Variants in ADAMTSL1 observed in about 807,000 individuals in gnomAD.
ADAMTSL1 encodes the protein ADAMTS like 1, also known as ADAMTS-like protein 1.
ADAMTSL1 carries 126 observed loss-of-function variants against 201.8 expected under a neutral mutation model. The ratio of observed to expected loss-of-function variants is 0.62; its 90% CI spans 0.54 to 0.72. ADAMTSL1 has a LOEUF of 0.72. ADAMTSL1 is among the 30% of genes least tolerant of loss of function. The probability of loss-of-function intolerance (pLI) is 0.00; values close to 1 mark genes in which losing one functional copy is unlikely to be tolerated. For synonymous variants in ADAMTSL1, 1,121 were observed against 903.4 expected, an observed-to-expected ratio of 1.24 and a Z score of -4.32; for missense variants, 2,679 against 2,277.8, an observed-to-expected ratio of 1.18 and a Z score of -3.59.
At chr9:18,212,971 A>G (rs376277122) in intron 2 of ADAMTSL1, among the ~76,000 whole-genome samples, 8 of 152,336 alleles carry the variant, frequency 5.3e-5, no homozygotes, top group African/African-American at 7.2e-5. Context: ...GCAAATTACT[A>G]GCATTTTGAG....
intron 2 of ADAMTSL1, among the ~76,000 whole-genome samples, chr9:18,310,966 A>G (rs909410566): frequency 6.6e-6 from 1 of 152,206 alleles, no homozygotes; most frequent in African/African-American, 2.4e-5. Flanking sequence ...AATGCCCATC[A>G]GTGATAGACT....
At chr9:18,755,736 G>A (rs756247370) in intron 16 of ADAMTSL1, among the ~76,000 whole-genome samples, 2 of 152,042 alleles carry the variant, frequency 1.3e-5, no homozygotes, top group East Asian at 1.9e-4. Flanking sequence ...TTGGGCCTGC[G>A]AAGATATGAA....
chr9:18,017,968 G>A (rs532139284), intron 1 of ADAMTSL1, among the ~76,000 whole-genome samples: 1 of 152,124 alleles, frequency 6.6e-6, no homozygotes, highest in East Asian at 1.9e-4. Context: ...TCTAAAACTT[G>A]TGTCTTAATA....
chr9:18,354,932 A>G (rs1371910207), intron 2 of ADAMTSL1, among the ~76,000 whole-genome samples: 1 of 152,106 alleles, frequency 6.6e-6, no homozygotes, highest in Non-Finnish European at 1.5e-5. Flanking sequence ...GATTGTGCCA[A>G]TGCACTCCAG....
chr9:18,717,255 A>C (rs1417373978), intron 14 of ADAMTSL1, among the ~76,000 whole-genome samples: 1 of 139,244 alleles, frequency 7.2e-6, no homozygotes, highest in African/African-American at 3.1e-5. Context: ...AATAATAATA[A>C]ATAAAATAAA....
intron 11 of ADAMTSL1, 114 bp from the exon 12 acceptor site, chr9:18,681,698 G>C (rs529302191): frequency 6.2e-6 from 2 of 323,008 alleles, no homozygotes; most frequent in African/African-American, 5.4e-5. Context: ...GTCCTCGTGT[G>C]GGGGGGGGGG....
At chr9:18,495,778 T>C (rs1197583252) in intron 1 of ADAMTSL1, among the ~76,000 whole-genome samples, 1 of 152,152 alleles carries the variant, frequency 6.6e-6, no homozygotes, top group Non-Finnish European at 1.5e-5. Flanking sequence ...GGGGGAGTGA[T>C]ACCTATTTGA....
chr9:18,874,856 T>G (rs1234022806), intron 23 of ADAMTSL1, among the ~76,000 whole-genome samples: 8 of 152,186 alleles, frequency 5.3e-5, no homozygotes, highest in Non-Finnish European at 1.2e-4. Flanking sequence ...AACTGTTCTT[T>G]GAATGTCTGA....
chr9:18,887,331 TA>T (rs1414025766), intron 23 of ADAMTSL1, among the ~76,000 whole-genome samples: 3 of 152,232 alleles, frequency 2.0e-5, no homozygotes, highest in Admixed American at 2.0e-4. Flanking sequence ...GATCCATGTC[TA>T]AAATTGCTTT....
At chr9:17,968,496 T>G (rs1185401112) in intron 1 of ADAMTSL1, among the ~76,000 whole-genome samples, 1 of 152,146 alleles carries the variant, frequency 6.6e-6, no homozygotes, top group African/African-American at 2.4e-5. Context: ...ATAACCCCAC[T>G]ATTCCTTCAG....
In ADAMTSL1 at chr9:18,095,074, T is replaced by C. The variant is rs1050571504; in HGVS notation, c.88-68788T>C. The stretch of plus-strand genomic sequence containing the variant: ...ACCTTTGGTGCTAAAAGATAGTTCA[T>C]GGACGCAGCTTACAGAGACACCTGG... On this transcript the variant is annotated intron_variant, in intron 1 of 29. Transcript: ENST00000680146. Among the ~76,000 whole-genome samples the C allele has an allele frequency of 2.0e-5, 3 of 152,240 alleles. No individual in the cohort carries two copies. In the South Asian group the frequency reaches 6.2e-4, roughly 32 times the overall value.
chr9:18,709,454 T>A (rs1035580294), intron 14 of ADAMTSL1, among the ~76,000 whole-genome samples: 6 of 152,186 alleles, frequency 3.9e-5, no homozygotes, highest in African/African-American at 1.2e-4. Context: ...ATTTTATTGT[T>A]TTTGTAATCT....
At chr9:18,096,622 T>C (rs929048026) in intron 1 of ADAMTSL1, among the ~76,000 whole-genome samples, 14 of 152,238 alleles carry the variant, frequency 9.2e-5, no homozygotes, top group African/African-American at 3.4e-4. Flanking sequence ...TTCCTAATGC[T>C]TTTTAAAAAT....
intron 1 of ADAMTSL1, among the ~76,000 whole-genome samples, chr9:17,999,370 A>G (rs1444218567): frequency 6.6e-6 from 1 of 151,956 alleles, no homozygotes; most frequent in Admixed American, 6.6e-5. Context: ...AGCTGCTGTG[A>G]TGCTTCTCCC....
intron 13 of ADAMTSL1, among the ~76,000 whole-genome samples, chr9:18,692,847 G>A (rs1055125099): frequency 6.6e-6 from 1 of 152,134 alleles, no homozygotes. Flanking sequence ...TGAGTCCCTG[G>A]GATGTGGCCT....
intron 2 of ADAMTSL1, among the ~76,000 whole-genome samples, chr9:18,228,339 G>A (rs766805315): frequency 2.0e-5 from 3 of 152,102 alleles, no homozygotes; most frequent in Non-Finnish European, 2.9e-5. Flanking sequence ...GGAAAGGTGG[G>A]GCTAGAGTCA....
chr9:18,883,004 A>AC (rs1193580953), intron 23 of ADAMTSL1, among the ~76,000 whole-genome samples: 2 of 151,892 alleles, frequency 1.3e-5, no homozygotes, highest in East Asian at 3.9e-4. Flanking sequence ...AAAAAAAAAA[A>AC]AAAAAAGAGG....
chr9:18,549,268 T>C (rs987985795), intron 3 of ADAMTSL1, among the ~76,000 whole-genome samples: 1 of 151,996 alleles, frequency 6.6e-6, no homozygotes, highest in Non-Finnish European at 1.5e-5. Context: ...AAACTTAGAC[T>C]AAAGGCTGAA....
chr9:18,387,820 C>T (rs1471894099), intron 2 of ADAMTSL1, among the ~76,000 whole-genome samples: 1 of 152,104 alleles, frequency 6.6e-6, no homozygotes, highest in Non-Finnish European at 1.5e-5. Context: ...TAGTTGTTCA[C>T]ATTTTCTCTG....
Sources: gnomAD v4.1 joint callset for allele counts (sites outside exome capture counted in the v4.1 genomes callset) on GRCh38, gnomAD v4.1.1 for gene constraint, MANE v1.5 for transcripts, NCBI Gene and HGNC (gene_info 2026-07-23, HGNC 2026-07-21) for gene names.